Variants in LRFN2 observed in about 807,000 individuals in gnomAD.
LRFN2 encodes leucine rich repeat and fibronectin type III domain containing 2, also known as leucine-rich repeat and fibronectin type-III domain-containing protein 2.
A neutral mutation model predicts 37.3 loss-of-function variants in LRFN2; 18 were observed. That is an observed-to-expected ratio of 0.48 (90% CI 0.33 to 0.72). LRFN2 has a LOEUF of 0.72. Ranked by LOEUF, LRFN2 falls within the 30% of genes least tolerant of loss-of-function variation. LRFN2 has a pLI of 0.02. For synonymous variants in LRFN2, 556 were observed against 466.6 expected (o/e 1.19, Z -2.47); for missense variants, 1,006 against 1,060.7 (o/e 0.95, Z 0.72).
intron 2 of LRFN2, among the ~76,000 whole-genome samples, chr6:40,412,404 C>T (rs1182337119): frequency 1.3e-5 from 2 of 152,184 alleles, no homozygotes; most frequent in African/African-American, 4.8e-5. Flanking sequence ...GGTCCCACCC[C>T]TGCCTAGCCT....
intron 1 of LRFN2, among the ~76,000 whole-genome samples, chr6:40,444,715 T>C (rs1049421035): frequency 2.6e-5 from 4 of 152,146 alleles, no homozygotes; most frequent in Admixed American, 1.3e-4. Flanking sequence ...GGGTCATCAA[T>C]TCAAGTTGAT....
chr6:40,580,617 T>C lies in LRFN2; in HGVS notation c.-19+6324A>G, dbSNP rs183541837. Among the ~76,000 whole-genome samples the C allele has an allele frequency of 1.6e-4, 24 of 152,210 alleles. No individual in the cohort carries two copies. In the East Asian group the frequency reaches 3.7e-3, roughly 23 times the overall value. On this transcript the variant is annotated intron_variant, in intron 1 of 2. Transcript: ENST00000338305. ...ATATACAAAAGAAGACATGGTTTTG[T>C]CCTCCTGAATGAGGTCAGAGGGCTA...
intron 2 of LRFN2, among the ~76,000 whole-genome samples, chr6:40,411,564 C>T (rs1196130434): frequency 6.6e-6 from 1 of 152,132 alleles, no homozygotes; most frequent in Admixed American, 6.5e-5. Flanking sequence ...TGCCCCATCT[C>T]GCCCACCCTG....
intron 1 of LRFN2, among the ~76,000 whole-genome samples, chr6:40,439,188 G>T (rs1358115048): frequency 1.3e-5 from 2 of 152,180 alleles, no homozygotes; most frequent in African/African-American, 4.8e-5. Flanking sequence ...CCATTTAAAA[G>T]ATACCTTAGC....
chr6:40,543,131 A>G (rs140524919), intron 1 of LRFN2, among the ~76,000 whole-genome samples: 4 of 152,378 alleles, frequency 2.6e-5, no homozygotes, highest in Non-Finnish European at 4.4e-5. Flanking sequence ...GCCTTCAGAC[A>G]TGATCAGGCA....
At chr6:40,500,344 C>A (rs571204602) in intron 1 of LRFN2, among the ~76,000 whole-genome samples, 146 of 152,242 alleles carry the variant, frequency 9.6e-4, no homozygotes, top group Non-Finnish European at 1.7e-3. Context: ...GAGGCTGTTA[C>A]TTCTGTGGCA....
chr6:40,469,313 G>A (rs552816071), intron 1 of LRFN2, among the ~76,000 whole-genome samples: 35 of 152,320 alleles, frequency 2.3e-4, no homozygotes, highest in African/African-American at 7.9e-4. Context: ...AGGACTATAA[G>A]AGGACATATT....
chr6:40,568,835 C>T (rs1767137325), intron 1 of LRFN2, among the ~76,000 whole-genome samples: 1 of 152,146 alleles, frequency 6.6e-6, no homozygotes. Context: ...GATTCTCCTA[C>T]CTCAGCCTCC....
chr6:40,487,004 C>A (rs1268720869), intron 1 of LRFN2, among the ~76,000 whole-genome samples: 3 of 152,040 alleles, frequency 2.0e-5, no homozygotes, highest in Non-Finnish European at 4.4e-5. Context: ...TTCAGAGGGG[C>A]AGAGTAAATT....
intron 1 of LRFN2, among the ~76,000 whole-genome samples, chr6:40,490,477 T>G (rs6904732): frequency 6.6e-6 from 1 of 152,126 alleles, no homozygotes; most frequent in Non-Finnish European, 1.5e-5. Flanking sequence ...AGCTCACCTG[T>G]GGCTATCCTG....
chr6:40,478,512 G>A (rs966187497), intron 1 of LRFN2, among the ~76,000 whole-genome samples: 1 of 152,196 alleles, frequency 6.6e-6, no homozygotes, highest in Non-Finnish European at 1.5e-5. Context: ...CTTGCCCACA[G>A]TCACACAGCT....
intron 2 of LRFN2, among the ~76,000 whole-genome samples, chr6:40,420,150 GCT>G (rs1763187863): frequency 6.6e-6 from 1 of 152,200 alleles, no homozygotes; most frequent in African/African-American, 2.4e-5. Flanking sequence ...GCTGGAAATA[GCT>G]CTCTTTTGTA....
intron 1 of LRFN2, among the ~76,000 whole-genome samples, chr6:40,510,462 C>T (rs1226419311): frequency 6.6e-6 from 1 of 152,190 alleles, no homozygotes. Flanking sequence ...GAGTCAACTC[C>T]CTCACAAAAC....
At chr6:40,468,147 G>A (rs1561867775) in intron 1 of LRFN2, among the ~76,000 whole-genome samples, 1 of 152,092 alleles carries the variant, frequency 6.6e-6, no homozygotes, top group Non-Finnish European at 1.5e-5. Context: ...GGACTCAGAG[G>A]TGAACCTTTC....
chr6:40,548,161 T>C (rs114614811), intron 1 of LRFN2, among the ~76,000 whole-genome samples: 4,832 of 152,224 alleles, frequency 0.032, 103 homozygotes, highest in Admixed American at 0.042. Flanking sequence ...AGTACCTGGC[T>C]GGGCACAGTG....
chr6:40,487,371 A>C (rs533969011), intron 1 of LRFN2, among the ~76,000 whole-genome samples: 35 of 152,218 alleles, frequency 2.3e-4, no homozygotes, highest in African/African-American at 7.5e-4. Flanking sequence ...TTTGACTCTC[A>C]CTGACATCAC....
intron 1 of LRFN2, among the ~76,000 whole-genome samples, chr6:40,581,741 C>T (rs931358070): frequency 6.6e-6 from 1 of 152,228 alleles, no homozygotes; most frequent in Non-Finnish European, 1.5e-5. Context: ...TTTGCCTTCA[C>T]TGCCATCATC....
At chr6:40,447,443 C>T (rs746487469) in intron 1 of LRFN2, among the ~76,000 whole-genome samples, 1 of 152,220 alleles carries the variant, frequency 6.6e-6, no homozygotes, top group African/African-American at 2.4e-5. Context: ...GAGCTGTCAC[C>T]ATCCCATGAT....
chr6:40,433,640 G>T (rs894759728), intron 1 of LRFN2, among the ~76,000 whole-genome samples: 1 of 152,184 alleles, frequency 6.6e-6, no homozygotes, highest in Non-Finnish European at 1.5e-5. Flanking sequence ...TTCTTAATTG[G>T]TTTAGGCTTA....
Sources: allele counts gnomAD v4.1 joint callset (sites outside exome capture counted in the v4.1 genomes callset), GRCh38; gene constraint gnomAD v4.1.1; transcripts MANE v1.5; gene names NCBI Gene and HGNC (gene_info 2026-07-23, HGNC 2026-07-21).